The following DLG2 variants were observed in gnomAD, a reference collection of about 807,000 sequenced individuals.
DLG2 encodes discs large MAGUK scaffold protein 2, also known as disks large homolog 2.
In DLG2, 45 loss-of-function variants were observed where a neutral mutation model predicts 132.5. The observed-to-expected ratio is 0.34, with a 90% CI of 0.27 to 0.44. The LOEUF is 0.44. Among genes scored for constraint, DLG2 ranks in the 20% least tolerant of loss-of-function variants. The pLI is 1.00. For synonymous variants in DLG2, 424 were observed against 419.6 expected (o/e 1.01, Z -0.13); for missense variants, 1,045 against 1,196.9 (o/e 0.87, Z 1.87).
At chr11:83,872,626 A>T (rs565680802) in intron 16 of DLG2, among the ~76,000 whole-genome samples, 5 of 152,328 alleles carry the variant, frequency 3.3e-5, no homozygotes, top group African/African-American at 1.2e-4. Context: ...AGTTCCTCTA[A>T]CTCAAGTGGA....
At chr11:84,136,530 ATAATC>A (rs1384165537) in intron 9 of DLG2, among the ~76,000 whole-genome samples, 3 of 152,176 alleles carry the variant, frequency 2.0e-5, no homozygotes, top group African/African-American at 7.2e-5. Flanking sequence ...TATCTAGTGA[ATAATC>A]TAACGAAGTG....
At chr11:84,457,341 T>C (rs936402324) in intron 7 of DLG2, among the ~76,000 whole-genome samples, 6 of 151,042 alleles carry the variant, frequency 4.0e-5, no homozygotes, top group Admixed American at 2.6e-4. Context: ...TTGGATATAC[T>C]ACAAAATAAA....
chr11:85,099,462 A>G (rs915746269), intron 6 of DLG2, among the ~76,000 whole-genome samples: 1 of 152,248 alleles, frequency 6.6e-6, no homozygotes, highest in Non-Finnish European at 1.5e-5. Flanking sequence ...TAGCTTTGAT[A>G]TAGATAATTT....
At chr11:83,908,936 T>C (rs1328624867) in intron 15 of DLG2, among the ~76,000 whole-genome samples, 2 of 152,170 alleles carry the variant, frequency 1.3e-5, no homozygotes, top group South Asian at 2.1e-4. Flanking sequence ...GGTCTTGCTA[T>C]GTGCCCAGGC....
At chr11:84,177,346 A>C (rs942318286) in intron 8 of DLG2, among the ~76,000 whole-genome samples, 4 of 152,048 alleles carry the variant, frequency 2.6e-5, no homozygotes, top group Non-Finnish European at 4.4e-5. Flanking sequence ...ATGCATGCAC[A>C]TATATACACA....
chr11:84,186,408 T>C (rs1472451299), intron 8 of DLG2, among the ~76,000 whole-genome samples: 8 of 151,976 alleles, frequency 5.3e-5, no homozygotes, highest in African/African-American at 1.7e-4. Context: ...TATACTGATA[T>C]TAGACAACTT....
At chr11:85,509,093 G>A (rs2093999504) in intron 3 of DLG2, among the ~76,000 whole-genome samples, 1 of 151,988 alleles carries the variant, frequency 6.6e-6, no homozygotes, top group Admixed American at 6.6e-5. Flanking sequence ...TACTGATTTT[G>A]AAGCTCATGA....
chr11:85,543,086 T>C (rs912566801), intron 3 of DLG2, among the ~76,000 whole-genome samples: 9 of 152,106 alleles, frequency 5.9e-5, no homozygotes, highest in Admixed American at 3.3e-4. Flanking sequence ...TTGCTGCACC[T>C]ATCAACCCGT....
intron 7 of DLG2, among the ~76,000 whole-genome samples, chr11:84,313,678 AAAG>A: frequency 6.6e-6 from 1 of 151,428 alleles, no homozygotes; most frequent in African/African-American, 2.4e-5. Context: ...AGAAAGAAAG[AAAG>A]AAAGAAAAAG....
chr11:85,383,746 T>C (rs2086095454), intron 3 of DLG2, among the ~76,000 whole-genome samples: 1 of 152,174 alleles, frequency 6.6e-6, no homozygotes, highest in South Asian at 2.1e-4. Context: ...ATTGCTTCCT[T>C]CTGCCTAATA....
At chr11:84,529,556 G>C (rs966424018) in intron 7 of DLG2, among the ~76,000 whole-genome samples, 1 of 152,056 alleles carries the variant, frequency 6.6e-6, no homozygotes, top group Admixed American at 6.6e-5. Flanking sequence ...GCCACAAAAA[G>C]AATAAAATAC....
intron 19 of DLG2, among the ~76,000 whole-genome samples, chr11:83,558,935 T>C (rs1372039830): frequency 3.3e-5 from 5 of 151,212 alleles, no homozygotes; most frequent in African/African-American, 1.2e-4. Context: ...TCATCTAGCA[T>C]GGCAGATGAG....
intron 9 of DLG2, among the ~76,000 whole-genome samples, chr11:84,154,475 C>T (rs1225535133): frequency 6.6e-6 from 1 of 152,166 alleles, no homozygotes; most frequent in Admixed American, 6.5e-5. Context: ...TTCTTTCAAA[C>T]AGATGCAAAT....
intron 17 of DLG2, 133 bp from the exon 18 acceptor site, chr11:83,786,925 G>A (rs751899074): frequency 4.3e-5 from 28 of 647,254 alleles, no homozygotes; most frequent in Non-Finnish European, 6.4e-5. Context: ...TCCTACTCAG[G>A]TGTTTGTGGA....
chr11:84,831,791 A>T (rs1460562655), intron 6 of DLG2, among the ~76,000 whole-genome samples: 2 of 151,654 alleles, frequency 1.3e-5, no homozygotes, highest in African/African-American at 2.4e-5. Context: ...CACAGAAAAA[A>T]AGTTTAACTA....
At chr11:84,605,092 A>G (rs1169842660) in intron 6 of DLG2, among the ~76,000 whole-genome samples, 1 of 151,980 alleles carries the variant, frequency 6.6e-6, no homozygotes, top group African/African-American at 2.4e-5. Context: ...ACATAAAAAT[A>G]TAATTCATCA....
At chr11:84,737,964 C>T (rs1011293515) in intron 6 of DLG2, among the ~76,000 whole-genome samples, 3 of 151,868 alleles carry the variant, frequency 2.0e-5, no homozygotes, top group South Asian at 2.1e-4. Flanking sequence ...GGCATTATTC[C>T]GTTTGGGGAT....
chr11:85,133,895 T>G (rs2075935280), intron 5 of DLG2, among the ~76,000 whole-genome samples: 1 of 152,176 alleles, frequency 6.6e-6, no homozygotes, highest in Non-Finnish European at 1.5e-5. Flanking sequence ...TTTGAGGTGC[T>G]TGACAAGCAT....
intron 6 of DLG2, among the ~76,000 whole-genome samples, chr11:84,621,508 C>T (rs974814609): frequency 2.0e-5 from 3 of 152,194 alleles, no homozygotes; most frequent in Admixed American, 6.5e-5. Flanking sequence ...CTCCCATGTA[C>T]GCCTCATTTG....
Sources: allele counts gnomAD v4.1 joint callset (sites outside exome capture counted in the v4.1 genomes callset), GRCh38; gene constraint gnomAD v4.1.1; transcripts MANE v1.5; gene names NCBI Gene and HGNC (gene_info 2026-07-23, HGNC 2026-07-21).